LRP1B: variants seen among roughly 807,000 people sequenced by gnomAD.
The protein encoded by LRP1B is LDL receptor related protein 1B.
LRP1B carries 217 observed loss-of-function variants against 556.6 expected under a neutral mutation model. That is an observed-to-expected ratio of 0.39 (90% CI 0.35 to 0.44). The LOEUF (loss-of-function observed/expected upper bound fraction) is 0.44, where lower values mean the gene tolerates loss of function less well. Among genes scored for constraint, LRP1B ranks in the 20% least tolerant of loss-of-function variants. The probability of loss-of-function intolerance (pLI) is 1.00; values close to 1 mark genes in which losing one functional copy is unlikely to be tolerated. For synonymous variants in LRP1B, 2,047 were observed against 1,865.8 expected, an observed-to-expected ratio of 1.10 and a Z score of -2.50; for missense variants, 5,053 against 5,620.8, an observed-to-expected ratio of 0.90 and a Z score of 3.23.
At chr2:140,446,947 A>T (rs555074315) in intron 63 of LRP1B, among the ~76,000 whole-genome samples, 1 of 151,230 alleles carries the variant, frequency 6.6e-6, no homozygotes, top group African/African-American at 2.4e-5. Context: ...AAAATCCAAA[A>T]TATATAAAGA....
chr2:141,068,316 C>A (rs1220571277), intron 7 of LRP1B, among the ~76,000 whole-genome samples: 2 of 151,774 alleles, frequency 1.3e-5, no homozygotes. Context: ...AGTTCTCTCT[C>A]CTGTGAGAAA....
At chr2:140,550,328 C>A (rs552770947) in intron 43 of LRP1B, among the ~76,000 whole-genome samples, 59 of 152,192 alleles carry the variant, frequency 3.9e-4, no homozygotes, top group Middle Eastern at 6.8e-3. Context: ...GGGGAAAGAG[C>A]ACAGTACTCA....
intron 15 of LRP1B, among the ~76,000 whole-genome samples, chr2:140,997,997 G>A (rs1697303196): frequency 6.6e-6 from 1 of 151,992 alleles, no homozygotes; most frequent in African/African-American, 2.4e-5. Context: ...ATCTGGATGG[G>A]CTTCTAAACT....
At chr2:140,808,318 A>T (rs1431857789) in intron 32 of LRP1B, among the ~76,000 whole-genome samples, 1 of 148,430 alleles carries the variant, frequency 6.7e-6, no homozygotes, top group African/African-American at 2.5e-5. Context: ...ACCTGGGAAG[A>T]TTTATTTTAA....
At chr2:141,278,314 T>G (rs893647867) in intron 3 of LRP1B, among the ~76,000 whole-genome samples, 2 of 152,268 alleles carry the variant, frequency 1.3e-5, no homozygotes, top group Non-Finnish European at 1.5e-5. Context: ...CAGGCTTCTA[T>G]CCTTGCTTCG....
At chr2:141,938,754 A>G (rs1306208495) in intron 1 of LRP1B, among the ~76,000 whole-genome samples, 1 of 39,620 alleles carries the variant, frequency 2.5e-5, no homozygotes, top group Non-Finnish European at 5.9e-5. Flanking sequence ...CTCTCTCTCC[A>G]TATATGTGTG....
Position 140,306,826 on chromosome 2 carries a change from A to G in LRP1B, c.12805+8109T>C, listed in dbSNP as rs1023100762. 3.3e-5 allele frequency among the ~76,000 whole-genome samples: 5 copies of G among 152,186 alleles called. No homozygotes were observed. The East Asian group carries it at 7.7e-4, about 24-fold the overall frequency. On this transcript the variant is annotated intron_variant, in intron 83 of 90. Transcript: ENST00000389484. ...TAAATTTCCCTCTACACACTGCTTTAAATGCGTCCCAGAGATTCTGGTATG... is the reference window on the plus strand; with the variant it reads ...TAAATTTCCCTCTACACACTGCTTTGAATGCGTCCCAGAGATTCTGGTATG...
At chr2:141,069,684 C>T (rs897114316) in intron 7 of LRP1B, among the ~76,000 whole-genome samples, 3 of 152,068 alleles carry the variant, frequency 2.0e-5, no homozygotes, top group Admixed American at 1.3e-4. Context: ...AAGGTAACGA[C>T]ACACTGACCT....
At chr2:141,561,513 C>T (rs1453798453) in intron 2 of LRP1B, among the ~76,000 whole-genome samples, 1 of 151,692 alleles carries the variant, frequency 6.6e-6, no homozygotes, top group East Asian at 1.9e-4. Flanking sequence ...TGTGAATATC[C>T]CCATTTATTA....
chr2:140,364,335 A>G (rs1682653128), intron 72 of LRP1B, among the ~76,000 whole-genome samples: 1 of 151,556 alleles, frequency 6.6e-6, no homozygotes, highest in African/African-American at 2.4e-5. Context: ...CTAAACTCCA[A>G]TTTGATGTGA....
intron 23 of LRP1B, among the ~76,000 whole-genome samples, chr2:140,890,676 G>C (rs186940616): frequency 6.6e-6 from 1 of 151,916 alleles, no homozygotes; most frequent in Non-Finnish European, 1.5e-5. Flanking sequence ...TCTCCCTCAA[G>C]TGCCTCTAAA....
intron 1 of LRP1B, among the ~76,000 whole-genome samples, chr2:142,037,436 G>A (rs559521312): frequency 1.3e-4 from 19 of 151,754 alleles, no homozygotes; most frequent in African/African-American, 1.7e-4. Context: ...AAAGAAGCAG[G>A]ATAATAAGTT....
chr2:141,399,953 C>A (rs1345993388), intron 3 of LRP1B, among the ~76,000 whole-genome samples: 1 of 152,092 alleles, frequency 6.6e-6, no homozygotes, highest in Non-Finnish European at 1.5e-5. Context: ...TTACACATTT[C>A]ATCTACATTA....
intron 3 of LRP1B, among the ~76,000 whole-genome samples, chr2:141,458,660 G>A (rs568378781): frequency 1.1e-3 from 162 of 150,900 alleles, no homozygotes; most frequent in African/African-American, 3.8e-3. Flanking sequence ...TTTTTAAATC[G>A]TAAAACCAAA....
chr2:140,346,907 T>C (rs146996613), intron 77 of LRP1B, among the ~76,000 whole-genome samples: 2 of 152,090 alleles, frequency 1.3e-5, no homozygotes, highest in African/African-American at 2.4e-5. Flanking sequence ...AAAAATCATG[T>C]TTATCCTGAA....
chr2:141,757,624 T>C (rs1486377630), intron 2 of LRP1B, among the ~76,000 whole-genome samples: 1 of 152,102 alleles, frequency 6.6e-6, no homozygotes, highest in African/African-American at 2.4e-5. Context: ...ATGATCATAG[T>C]TCACTGCAAC....
At chr2:140,884,090 T>G in intron 24 of LRP1B, 69 bp from the exon 25 acceptor site, 1 of 1,370,108 alleles carries the variant, frequency 7.3e-7, no homozygotes, top group South Asian at 1.2e-5. Flanking sequence ...GAAAAGGCCT[T>G]TGTGCCTGTG....
intron 1 of LRP1B, among the ~76,000 whole-genome samples, chr2:141,822,915 T>C (rs1300496775): frequency 2.0e-5 from 3 of 152,152 alleles, no homozygotes; most frequent in Non-Finnish European, 2.9e-5. Flanking sequence ...TATAGGTGCA[T>C]CTGGAGTGCT....
intron 7 of LRP1B, among the ~76,000 whole-genome samples, chr2:141,145,491 C>T (rs1701758350): frequency 6.6e-6 from 1 of 151,828 alleles, no homozygotes; most frequent in South Asian, 2.1e-4. Context: ...GCTAGCATAC[C>T]TGTCATAAAA....
Sources: gnomAD v4.1 joint callset for allele counts (sites outside exome capture counted in the v4.1 genomes callset) on GRCh38, gnomAD v4.1.1 for gene constraint, MANE v1.5 for transcripts, NCBI Gene and HGNC (gene_info 2026-07-23, HGNC 2026-07-21) for gene names.